NCOR1: variants seen among roughly 807,000 people sequenced by gnomAD.
The protein encoded by NCOR1 is nuclear receptor corepressor 1, also known as protein phosphatase 1, regulatory subunit 109.
A neutral mutation model predicts 288.1 loss-of-function variants in NCOR1; 63 were observed. That is an observed-to-expected ratio of 0.22 (90% CI 0.18 to 0.27). The LOEUF is 0.27. Among genes scored for constraint, NCOR1 ranks in the 10% least tolerant of loss-of-function variants. NCOR1 has a pLI of 1.00. For synonymous variants in NCOR1, 1,007 were observed against 1,065.9 expected (o/e 0.94, Z 1.08); for missense variants, 2,397 against 3,019.2 (o/e 0.79, Z 4.83).
chr17:16,073,672 A>G, intron 27 of NCOR1, 103 bp from the exon 28 acceptor site: 1 of 964,806 alleles, frequency 1.0e-6, no homozygotes, highest in Non-Finnish European at 1.4e-6. Flanking sequence ...TAATAATATT[A>G]AAACTTGTCT....
chr17:16,208,221 T>G (rs2091779906), intron 1 of NCOR1, among the ~76,000 whole-genome samples: 1 of 135,658 alleles, frequency 7.4e-6, no homozygotes, highest in African/African-American at 2.8e-5. Context: ...TTTTTTTTTT[T>G]TTTTTTTTTT....
At chr17:16,077,083 A>G (rs1169393862) in intron 26 of NCOR1, among the ~76,000 whole-genome samples, 1 of 152,022 alleles carries the variant, frequency 6.6e-6, no homozygotes, top group Non-Finnish European at 1.5e-5. Context: ...ATGCAGGGAA[A>G]ATTCTTCCAC....
intron 1 of NCOR1, among the ~76,000 whole-genome samples, chr17:16,213,576 T>C (rs966100458): frequency 6.7e-6 from 1 of 148,438 alleles, no homozygotes; most frequent in Non-Finnish European, 1.5e-5. Flanking sequence ...ACCTACAAGA[T>C]AGAAAGTGTA....
chr17:16,076,498 A>G (rs1362321762), intron 26 of NCOR1, among the ~76,000 whole-genome samples: 1 of 152,222 alleles, frequency 6.6e-6, no homozygotes, highest in Admixed American at 6.5e-5. Flanking sequence ...TTACAACTAC[A>G]CGAGAAGTTG....
intron 4 of NCOR1, among the ~76,000 whole-genome samples, chr17:16,166,276 CAT>C (rs1404566968): frequency 2.6e-5 from 4 of 152,220 alleles, no homozygotes; most frequent in African/African-American, 9.7e-5. Context: ...TTGCATCTGG[CAT>C]ACAGTCAATC....
intron 1 of NCOR1, among the ~76,000 whole-genome samples, chr17:16,211,954 A>G (rs77644223): frequency 6.6e-6 from 1 of 152,088 alleles, no homozygotes; most frequent in African/African-American, 2.4e-5. Flanking sequence ...TATTTTTTGC[A>G]TCCTCAAACC....
chr17:16,167,979 C>CT (rs2082350762), intron 4 of NCOR1, among the ~76,000 whole-genome samples: 1 of 151,682 alleles, frequency 6.6e-6, no homozygotes, highest in Non-Finnish European at 1.5e-5. Context: ...AACATGCACT[C>CT]TAACAACTCA....
At chr17:16,097,812 C>G (rs573910133) in intron 21 of NCOR1, among the ~76,000 whole-genome samples, 8 of 152,310 alleles carry the variant, frequency 5.3e-5, no homozygotes, top group African/African-American at 1.9e-4. Flanking sequence ...CGTGAGTAAC[C>G]TGGGGACCCA....
intron 19 of NCOR1, among the ~76,000 whole-genome samples, chr17:16,102,875 T>C (rs553631844): frequency 2.9e-4 from 44 of 152,300 alleles, no homozygotes; most frequent in Middle Eastern, 3.4e-3. Context: ...ATTACAGACA[T>C]AGGCCACCGC....
intron 42 of NCOR1, among the ~76,000 whole-genome samples, chr17:16,045,819 T>G (rs1079534): frequency 2.1e-5 from 3 of 140,206 alleles, no homozygotes; most frequent in African/African-American, 9.5e-5. Flanking sequence ...TTAAAAAAAA[T>G]TTTTTTTTTT....
intron 1 of NCOR1, among the ~76,000 whole-genome samples, chr17:16,200,322 C>T (rs2090596474): frequency 6.6e-6 from 1 of 151,636 alleles, no homozygotes; most frequent in Admixed American, 6.6e-5. Flanking sequence ...TCCATCTCTA[C>T]TAAAACACAC....
intron 3 of NCOR1, among the ~76,000 whole-genome samples, chr17:16,181,211 A>ATATGTG (rs1555787779): frequency 5.7e-5 from 8 of 139,498 alleles, no homozygotes; most frequent in South Asian, 4.8e-4. Flanking sequence ...ATATATATGT[A>ATATGTG]TGTGTGTGTG....
chr17:16,172,927 A>G (rs1432509844), intron 3 of NCOR1, among the ~76,000 whole-genome samples: 6 of 152,178 alleles, frequency 3.9e-5, no homozygotes, highest in Admixed American at 3.9e-4. Context: ...AGGACAGACA[A>G]TGAAATGAAT....
intron 15 of NCOR1, among the ~76,000 whole-genome samples, chr17:16,122,238 A>G (rs146219805): frequency 6.6e-6 from 1 of 152,304 alleles, no homozygotes; most frequent in East Asian, 1.9e-4. Flanking sequence ...CTCAATGTAC[A>G]TTTTTGCAAA....
rs774089791 is a variant in NCOR1 at position 16,137,353 on chromosome 17, G to A, written c.1467C>T (p.Ala489=). ...YLTKKNENYK[A]LVRRNYGKRR... is the part of the protein sequence containing the mutation. ...GTTTCCCATAATTCCTTCTGACGAGGGCTTTATAATTCTCATTTTTCTTGG... is the reference window on the plus strand; with the variant it reads ...GTTTCCCATAATTCCTTCTGACGAGAGCTTTATAATTCTCATTTTTCTTGG... Residue 489 remains alanine, a synonymous_variant, in exon 14 of 46, where the codon GCC becomes GCT. Transcript: ENST00000268712. 9 of 1,603,822 alleles carry A rather than the reference G, an allele frequency of 5.6e-6. No individual in the cohort carries two copies. The African/African-American group carries it at 9.4e-5, about 17-fold the overall frequency.
At chr17:16,040,859 C>A in intron 42 of NCOR1, 1 of 207,244 alleles carries the variant, frequency 4.8e-6, no homozygotes, top group South Asian at 8.5e-5. Flanking sequence ...GTGAGACTCT[C>A]CCATCTGTTT....
rs200057904 is a variant in NCOR1 at position 16,153,300 on chromosome 17, T to TA, written c.789+38dup. On this transcript the variant is annotated intron_variant, in intron 7 of 45. Coordinates refer to ENST00000268712, the MANE Select transcript of NCOR1 (RefSeq NM_006311.4). ...CCCAAGAAAAACTACCACCAAAAAT[T>TA]AAAAAAAAAAATCACTGGAAATGAA... The TA allele has an allele frequency of 9.9e-3, 11,732 of 1,182,104 alleles. 1 individual carries two copies. The highest frequency in any genetic ancestry group is 0.012 in the South Asian group (752 of 63,348). The allele number at this position is 1,182,104 out of a possible 1,614,324, so 73.2% of individuals were successfully genotyped here. A position where few individuals can be genotyped will look rare whatever the true frequency, so the allele number is the denominator to read the frequency against.
intron 11 of NCOR1, among the ~76,000 whole-genome samples, chr17:16,140,179 T>TA (rs2076953910): frequency 6.6e-6 from 1 of 152,188 alleles, no homozygotes; most frequent in Non-Finnish European, 1.5e-5. Context: ...ATCATGTACT[T>TA]ACAGATGTTT....
intron 44 of NCOR1, among the ~76,000 whole-genome samples, chr17:16,038,469 CTT>C (rs1458045505): frequency 1.3e-5 from 2 of 151,030 alleles, no homozygotes; most frequent in African/African-American, 4.9e-5. Flanking sequence ...CAGGGTCTCA[CTT>C]TGTCACCTGG....
Sources: gnomAD v4.1 joint callset for allele counts (sites outside exome capture counted in the v4.1 genomes callset) on GRCh38, gnomAD v4.1.1 for gene constraint, MANE v1.5 for transcripts, NCBI Gene and HGNC (gene_info 2026-07-23, HGNC 2026-07-21) for gene names.